Variants in RAVER2 observed in about 807,000 individuals in gnomAD.
The protein encoded by RAVER2 is ribonucleoprotein PTB-binding 2.
Under a neutral mutation model 78.1 loss-of-function variants are expected in RAVER2, and 46 were observed. That is an observed-to-expected ratio of 0.59 (90% CI 0.46 to 0.75). The LOEUF is 0.75. RAVER2 is among the 30% of genes least tolerant of loss of function. The pLI, the probability that RAVER2 is intolerant of heterozygous loss-of-function variation, is 0.00. For missense variants in RAVER2, 793 were observed against 837.5 expected (o/e 0.95, Z 0.66); for synonymous variants, 311 against 313.3 (o/e 0.99, Z 0.08).
At chr1:64,831,137 A>G in exon 12 of RAVER2, 1 of 727,012 alleles carries the variant, frequency 1.4e-6, no homozygotes, top group East Asian at 2.9e-5. Context: ...AGAAATGCCA[A>G]ATAAAAAATA....
At chr1:64,770,327 G>A (rs1652281536) in intron 2 of RAVER2, among the ~76,000 whole-genome samples, 1 of 151,972 alleles carries the variant, frequency 6.6e-6, no homozygotes, top group African/African-American at 2.4e-5. Context: ...AATTCATGGG[G>A]CATTAGAAGT....
In RAVER2 at chr1:64,820,744, C is replaced by T. The variant is rs533394773; in HGVS notation, c.1929+5904C>T. On this transcript the variant is annotated intron_variant, in intron 11 of 11. Transcript: ENST00000294428. The stretch of plus-strand genomic sequence containing the variant: ...CATGTTCCCACAAAAGACATGAGCT[C>T]GTTCTTTTTTATGGCTGCATAGTGT... Among the ~76,000 whole-genome samples the T allele has an allele frequency of 5.7e-4, 87 of 152,272 alleles. No homozygotes were observed. The South Asian group carries it at 0.012, about 22-fold the overall frequency.
exon 4 of RAVER2, chr1:64,781,380 C>T: frequency 6.3e-7 from 1 of 1,593,760 alleles, no homozygotes; most frequent in Non-Finnish European, 8.6e-7. Flanking sequence ...ATTGTATCAG[C>T]TTGCACAGGA....
At chr1:64,772,844 G>C (rs1652357188) in intron 2 of RAVER2, among the ~76,000 whole-genome samples, 1 of 152,162 alleles carries the variant, frequency 6.6e-6, no homozygotes, top group Non-Finnish European at 1.5e-5. Flanking sequence ...AACAAGGCTG[G>C]AGTTAGATAT....
In RAVER2 at chr1:64,812,737, G is replaced by T; in HGVS notation, c.1681-1G>T. The T allele has an allele frequency of 6.2e-7, 1 of 1,604,922 alleles. No homozygotes were observed. The highest frequency in any genetic ancestry group is 8.5e-7 in the Non-Finnish European group (1 of 1,175,400). On this transcript the variant is annotated splice_acceptor_variant, in intron 9 of 11. Transcript: ENST00000294428. LOFTEE classifies it high-confidence loss of function. The stretch of plus-strand genomic sequence containing the variant: ...CTCCCTCCTTTGTTTTTGTTAAATA[G>T]GCTGCCTCTAAGAATCAAACTTCAC...
chr1:64,811,053 A>T (rs955642892), intron 9 of RAVER2, among the ~76,000 whole-genome samples: 1 of 152,334 alleles, frequency 6.6e-6, no homozygotes, highest in East Asian at 1.9e-4. Flanking sequence ...ATGTATACAA[A>T]CCTATTATTA....
At chr1:64,761,043 A>G (rs367585818) in intron 1 of RAVER2, among the ~76,000 whole-genome samples, 1 of 152,212 alleles carries the variant, frequency 6.6e-6, no homozygotes, top group Non-Finnish European at 1.5e-5. Flanking sequence ...ATCCAGCTTT[A>G]AAATCAAATT....
exon 7 of RAVER2, chr1:64,804,748 T>A (rs754629814): frequency 6.8e-7 from 1 of 1,474,952 alleles, no homozygotes; most frequent in Non-Finnish European, 9.5e-7. Flanking sequence ...CAGTTATGGG[T>A]AATACTTCTA....
At chr1:64,801,233 G>A (rs1653254881) in intron 5 of RAVER2, among the ~76,000 whole-genome samples, 1 of 151,650 alleles carries the variant, frequency 6.6e-6, no homozygotes, top group Non-Finnish European at 1.5e-5. Context: ...CAAGTAGCTG[G>A]GATTACAGGC....
In RAVER2 at chr1:64,827,855, A is replaced by G. The variant is rs1026226320; in HGVS notation, c.1930-2984A>G. Among the ~76,000 whole-genome samples the G allele has an allele frequency of 2.0e-5, 3 of 152,218 alleles. No homozygotes were observed. The South Asian group carries it at 6.2e-4, about 32-fold the overall frequency. Reference sequence around the variant, plus strand: ...TGCCATACTTTTTACAGAGCTGCTTATTAATCTTGCCATATTCCAAGATCA... The same window carrying G: ...TGCCATACTTTTTACAGAGCTGCTTGTTAATCTTGCCATATTCCAAGATCA... On this transcript the variant is annotated intron_variant, in intron 11 of 11. Transcript: ENST00000294428.
At chr1:64,761,861 G>A (rs1386848121) in intron 1 of RAVER2, among the ~76,000 whole-genome samples, 1 of 152,014 alleles carries the variant, frequency 6.6e-6, no homozygotes, top group African/African-American at 2.4e-5. Flanking sequence ...TGTAATCCCC[G>A]GACTTGGGGA....
At chr1:64,814,621 ATAATT>A (rs1452912772) in intron 10 of RAVER2, 78 bp from the exon 11 acceptor site, 6 of 740,482 alleles carry the variant, frequency 8.1e-6, no homozygotes, top group Non-Finnish European at 1.1e-5. Flanking sequence ...TTATAATAAA[ATAATT>A]TATTTAAAAT....
chr1:64,781,430 T>C (rs754346911), exon 4 of RAVER2: 1 of 1,613,528 alleles, frequency 6.2e-7, no homozygotes, highest in East Asian at 2.2e-5. Context: ...TGGTTGAATA[T>C]AGCACTGCGG....
chr1:64,771,042 T>G (rs1406146069), intron 2 of RAVER2, among the ~76,000 whole-genome samples: 3 of 151,998 alleles, frequency 2.0e-5, no homozygotes, highest in Non-Finnish European at 2.9e-5. Flanking sequence ...ATGAAAATTC[T>G]AATCCCAGAA....
At chr1:64,791,878 A>G (rs192709503) in intron 5 of RAVER2, among the ~76,000 whole-genome samples, 36 of 152,290 alleles carry the variant, frequency 2.4e-4, no homozygotes, top group Admixed American at 6.5e-5. Flanking sequence ...AAAGCCTCCT[A>G]ATATTTGAAG....
intron 1 of RAVER2, among the ~76,000 whole-genome samples, chr1:64,767,714 A>G (rs1333660941): frequency 6.6e-6 from 1 of 152,024 alleles, no homozygotes; most frequent in Non-Finnish European, 1.5e-5. Context: ...TTTCAGGGCC[A>G]CATATTGATT....
At position 64,745,554 on chromosome 1, in the gene RAVER2, C is replaced by T. The variant is rs1262463313; in HGVS notation, c.249+133C>T. ...GCGCCGAGTGGTGAGAGCGGCCCCT[C>T]GGTTTGACTGAGTTCTTGGGGTTTC... On this transcript the variant is annotated intron_variant, in intron 1 of 11. Transcript: ENST00000294428. The surrounding 1 kb of genome is among the most constrained non-coding windows in gnomAD (Gnocchi z 4.3). 2 of 1,187,686 alleles carry T rather than the reference C, an allele frequency of 1.7e-6. No homozygotes were observed. Among genetic ancestry groups the T allele is most frequent in the Non-Finnish European group, 2.2e-6 (2 of 913,704 alleles). 73.6% of individuals were successfully genotyped at this position (1,187,686 alleles called of 1,614,324 possible).
rs945306229 is a variant in RAVER2 at position 64,794,330 on chromosome 1, G to A, written c.1105+4816G>A. Among the ~76,000 whole-genome samples the A allele has an allele frequency of 6.6e-5, 10 of 150,960 alleles. No individual in the cohort carries two copies. The South Asian group carries it at 8.4e-4, about 13-fold the overall frequency. On this transcript the variant is annotated intron_variant, in intron 5 of 11. Coordinates refer to ENST00000294428, the Ensembl canonical transcript of RAVER2. ...GGAGAATGGCGTGAACCTGGGAGGC[G>A]GAGCTTGCAGTGAGCCGAGATCGTG...
In RAVER2 at chr1:64,780,111, A is replaced by T. The variant is rs561015617; in HGVS notation, c.787-1269A>T. Among the ~76,000 whole-genome samples the T allele has an allele frequency of 2.0e-5, 3 of 152,334 alleles. No individual in the cohort carries two copies. In the South Asian group the frequency reaches 6.2e-4, roughly 32 times the overall value. ...AAATTTTTAAGTTTTCAAAAGATTA[A>T]TAAAGCAGCTTTGGGATGGCTCTTT... On this transcript the variant is annotated intron_variant, in intron 3 of 11. Coordinates refer to ENST00000294428, the Ensembl canonical transcript of RAVER2.
Sources: allele counts gnomAD v4.1 joint callset (sites outside exome capture counted in the v4.1 genomes callset), GRCh38; gene constraint gnomAD v4.1.1; non-coding constraint Gnocchi (gnomAD v3.1); transcripts MANE v1.5; gene names NCBI Gene and HGNC (gene_info 2026-07-23, HGNC 2026-07-21).